ADRA2A: variants seen among roughly 807,000 people sequenced by gnomAD.
ADRA2A encodes alpha-2A adrenergic receptor.
Under a neutral mutation model 5.9 loss-of-function variants are expected in ADRA2A, and 6 were observed. The ratio of observed to expected loss-of-function variants is 1.01; its 90% CI spans 0.55 to 2.00. The LOEUF is 2.00. Ranked by LOEUF, ADRA2A falls within the 30% of genes most tolerant of loss-of-function variation. The pLI is 0.00. For missense variants in ADRA2A, 647 were observed against 690.0 expected, an observed-to-expected ratio of 0.94 and a Z score of 0.70; for synonymous variants, 345 against 325.9, an observed-to-expected ratio of 1.06 and a Z score of -0.63.
Position 111,079,095 on chromosome 10 carries a change from G to A in ADRA2A, c.1099G>A (p.Glu367Lys), listed in dbSNP as rs1293903882. The A allele has an allele frequency of 6.5e-7, 1 of 1,527,032 alleles. No homozygotes were observed. The highest frequency in any genetic ancestry group is 8.8e-7 in the Non-Finnish European group (1 of 1,140,360). 94.6% of individuals were successfully genotyped at this position (1,527,032 alleles called of 1,614,324 possible). ...IGTPAAGPGE[E>K]RVGAAKASRW... ...GACGCCGGCTGCAGGGCCGGGGGAG[G>A]AGCGCGTCGGGGCTGCCAAGGCGTC... The change falls in exon 1 of 1, where the codon GAG becomes AAG. Residue 367 changes from glutamate (E) to lysine (K), a missense_variant. By Grantham distance (56) the Glu-to-Lys change is moderately conservative. Transcript: ENST00000280155.
Position 111,080,377 on chromosome 10 carries a change from C to T in ADRA2A, c.*983C>T, listed in dbSNP as rs1843581274. ...CTATCTTGTATGTCTGTGTGCCCCT[C>T]CTGCCCCGAAAGTGCTGACTATGGG... On this transcript the variant is annotated 3_prime_UTR_variant, in exon 1 of 1. Transcript: ENST00000280155. 1.2e-5 allele frequency: 2 copies of T among 166,856 alleles called. No homozygotes were observed. Among genetic ancestry groups the T allele is most frequent in the African/African-American group, 4.8e-5 (2 of 41,394 alleles). 10.3% of individuals were successfully genotyped at this position (166,856 alleles called of 1,614,324 possible).
At position 111,077,808 on chromosome 10, in the gene ADRA2A, C is replaced by T. The variant is rs528139890; in HGVS notation, c.-189C>T. 4.6e-4 allele frequency: 397 copies of T among 863,866 alleles called. 1 individual carries two copies. In the African/African-American group the frequency reaches 6.4e-3, roughly 14 times the overall value. 53.5% of individuals were successfully genotyped at this position (863,866 alleles called of 1,614,324 possible). The stretch of plus-strand genomic sequence containing the variant: ...CACCGAGAGCGTCTGAAGCGCGAGC[C>T]AGGCGCAGTTCGCGGGACCCGGGCC... On this transcript the variant is annotated 5_prime_UTR_variant, in exon 1 of 1. Transcript: ENST00000280155.
chr10:111,079,101 G>C lies in ADRA2A; in HGVS notation c.1105G>C (p.Val369Leu). 1.3e-6 allele frequency: 2 copies of C among 1,555,280 alleles called. No individual in the cohort carries two copies. Among genetic ancestry groups the C allele is most frequent in the African/African-American group, 1.4e-5 (1 of 73,558 alleles). Reference sequence around the variant, plus strand: ...GGCTGCAGGGCCGGGGGAGGAGCGCGTCGGGGCTGCCAAGGCGTCGCGCTG... The same window carrying C: ...GGCTGCAGGGCCGGGGGAGGAGCGCCTCGGGGCTGCCAAGGCGTCGCGCTG... ...TPAAGPGEER[V>L]GAAKASRWRG... The change falls in exon 1 of 1, where the codon GTC (valine) becomes CTC (leucine). Residue 369 changes from valine (V) to leucine (L), a missense_variant. Physicochemically the swap from Val to Leu is conservative, Grantham distance 32 (BLOSUM62 1). This residue lies in a region of ADRA2A where 577 missense variants were observed against 605.4 expected (regional missense o/e 0.95). Transcript: ENST00000280155.
chr10:111,078,971 A>G lies in ADRA2A; in HGVS notation c.975A>G (p.Arg325=). Residue 325 remains arginine (R), a synonymous_variant, in exon 1 of 1, where the codon AGA becomes AGG. Coordinates refer to ENST00000280155, the MANE Select transcript of ADRA2A (RefSeq NM_000681.4). ...DHAERPPGPR[R]PERGPRGKGK... Reference sequence around the variant, plus strand: ...CCGAGCGGCCTCCAGGGCCCCGCAGACCCGAGCGCGGTCCCCGGGGCAAAG... The same window carrying G: ...CCGAGCGGCCTCCAGGGCCCCGCAGGCCCGAGCGCGGTCCCCGGGGCAAAG... The G allele has an allele frequency of 4.9e-6, 6 of 1,232,584 alleles. No homozygotes were observed. The highest frequency in any genetic ancestry group is 6.1e-6 in the Non-Finnish European group (6 of 989,972). 76.4% of individuals were successfully genotyped at this position (1,232,584 alleles called of 1,614,324 possible).
At position 111,078,776 on chromosome 10, in the gene ADRA2A, C is replaced by T. The variant is rs779429519; in HGVS notation, c.780C>T (p.Gly260=). The change falls in exon 1 of 1, where the codon GGC becomes GGT. Residue 260 remains glycine (G), a synonymous_variant. Coordinates refer to ENST00000280155, the MANE Select transcript of ADRA2A (RefSeq NM_000681.4). ...ACGCCGTCGCCGCGCCGCCGGGGGG[C>T]ACCGAGCGCAGGCCCAACGGTCTGG... ...GPDAVAAPPG[G]TERRPNGLGP... 1.6e-5 allele frequency: 22 copies of T among 1,417,440 alleles called. No individual in the cohort carries two copies. The highest frequency in any genetic ancestry group is 3.4e-5 in the Admixed American group (1 of 29,434). 87.8% of individuals were successfully genotyped at this position (1,417,440 alleles called of 1,614,324 possible). A position where few individuals can be genotyped will look rare whatever the true frequency, so the allele number is the denominator to read the frequency against.
rs987438394 is a variant in ADRA2A, at chr10:111,079,105, G to A, written c.1109G>A (p.Gly370Glu). The A allele has an allele frequency of 1.9e-6, 3 of 1,566,382 alleles. No individual in the cohort carries two copies. Among genetic ancestry groups the A allele is most frequent in the Non-Finnish European group, 2.6e-6 (3 of 1,158,066 alleles). ...GCAGGGCCGGGGGAGGAGCGCGTCGGGGCTGCCAAGGCGTCGCGCTGGCGC... is the reference window on the plus strand; with the variant it reads ...GCAGGGCCGGGGGAGGAGCGCGTCGAGGCTGCCAAGGCGTCGCGCTGGCGC... ...PAAGPGEERV[G>E]AAKASRWRGR... Residue 370 changes from glycine to glutamate, a missense_variant, in exon 1 of 1, where the codon GGG becomes GAG. By Grantham distance (98) the Gly-to-Glu change is moderately conservative (BLOSUM62 -2). Coordinates refer to ENST00000280155, the MANE Select transcript of ADRA2A (RefSeq NM_000681.4).
chr10:111,078,383 G>A lies in ADRA2A; in HGVS notation c.387G>A (p.Val129=). 6.2e-7 allele frequency: 1 copy of A among 1,614,032 alleles called. No individual in the cohort carries two copies. Among genetic ancestry groups the A allele is most frequent in the Non-Finnish European group, 8.5e-7 (1 of 1,179,992 alleles). ...AWCEIYLALD[V]LFCTSSIVHL... ...GCGAGATCTACCTGGCGCTCGACGTGCTCTTCTGCACGTCGTCCATCGTGC... is the reference window on the plus strand; with the variant it reads ...GCGAGATCTACCTGGCGCTCGACGTACTCTTCTGCACGTCGTCCATCGTGC... The change falls in exon 1 of 1, where the codon GTG becomes GTA. Residue 129 remains valine, a synonymous_variant. Transcript: ENST00000280155.
chr10:111,079,075 C>T lies in ADRA2A; in HGVS notation c.1079C>T (p.Pro360Leu). ...CCGGGGGCGACGGGGATCGGGACGC[C>T]GGCTGCAGGGCCGGGGGAGGAGCGC... is the stretch of plus-strand genomic sequence containing the variant. ...RGPGATGIGT[P>L]AAGPGEERVG... The change falls in exon 1 of 1, where the codon CCG becomes CTG. Residue 360 changes from proline to leucine, a missense_variant. Transcript: ENST00000280155. The T allele has an allele frequency of 7.2e-7, 1 of 1,389,678 alleles. No homozygotes were observed. The highest frequency in any genetic ancestry group is 9.3e-7 in the Non-Finnish European group (1 of 1,076,906). 86.1% of individuals were successfully genotyped at this position (1,389,678 alleles called of 1,614,324 possible).
At position 111,079,402 on chromosome 10, in the gene ADRA2A, G is replaced by T. The variant is rs1372019266; in HGVS notation, c.*8G>T. 1.9e-6 allele frequency: 3 copies of T among 1,613,172 alleles called. No homozygotes were observed. The African/African-American group carries it at 4.0e-5, about 22-fold the overall frequency. On this transcript the variant is annotated 3_prime_UTR_variant, in exon 1 of 1. Coordinates refer to ENST00000280155, the MANE Select transcript of ADRA2A (RefSeq NM_000681.4). ...AGGAAGCGGATCGTGTGAGGTTTCCGCTGGCGCCCGCGTAGACTCACGCTG... is the reference window on the plus strand; with the variant it reads ...AGGAAGCGGATCGTGTGAGGTTTCCTCTGGCGCCCGCGTAGACTCACGCTG...
At position 111,079,385 on chromosome 10, in the gene ADRA2A, G is replaced by C; in HGVS notation, c.1389G>C (p.Arg463=). 1.2e-6 allele frequency: 2 copies of C among 1,613,890 alleles called. No homozygotes were observed. The highest frequency in any genetic ancestry group is 1.7e-6 in the Non-Finnish European group (2 of 1,180,020). Residue 463 remains arginine, a synonymous_variant, in exon 1 of 1, where the codon CGG becomes CGC. Coordinates refer to ENST00000280155, the MANE Select transcript of ADRA2A (RefSeq NM_000681.4). ...KKILCRGDRK[R]IV The stretch of plus-strand genomic sequence containing the variant: ...TCCTCTGTCGGGGGGACAGGAAGCG[G>C]ATCGTGTGAGGTTTCCGCTGGCGCC...
chr10:111,078,342 T>G lies in ADRA2A; in HGVS notation c.346T>G (p.Phe116Val). 1.2e-6 allele frequency: 2 copies of G among 1,613,418 alleles called. No homozygotes were observed. Among genetic ancestry groups the G allele is most frequent in the South Asian group, 1.1e-5 (1 of 91,080 alleles). Residue 116 changes from phenylalanine (F) to valine (V), a missense_variant, in exon 1 of 1, where the codon TTC becomes GTC. Around this residue, in one of 3 missense-constraint regions of ADRA2A, gnomAD observed 577 missense variants for 605.4 expected, o/e 0.95. Transcript: ENST00000280155. The stretch of plus-strand genomic sequence containing the variant: ...CAACGAGGTCATGGGCTACTGGTAC[T>G]TCGGCAAGGCTTGGTGCGAGATCTA... ...LANEVMGYWY[F>V]GKAWCEIYLA...
In ADRA2A at chr10:111,079,566, A is replaced by T. The variant is rs886109123; in HGVS notation, c.*172A>T. On this transcript the variant is annotated 3_prime_UTR_variant, in exon 1 of 1. Transcript: ENST00000280155. ...GGGCGTCTGCTGCTCCTACAAGGGA[A>T]GCTTCTTGCTGCCAGGCCCACACAT... 1.4e-6 allele frequency: 1 copy of T among 693,838 alleles called. No homozygotes were observed. Among genetic ancestry groups the T allele is most frequent in the African/African-American group, 1.8e-5 (1 of 55,368 alleles). 43.0% of individuals were successfully genotyped at this position (693,838 alleles called of 1,614,324 possible).
rs1843569131 is a variant in ADRA2A, at chr10:111,079,083, G to A, written c.1087G>A (p.Gly363Arg). 3 of 1,447,992 alleles carry A rather than the reference G, an allele frequency of 2.1e-6. No homozygotes were observed. The highest frequency in any genetic ancestry group is 3.0e-5 in the South Asian group (2 of 67,084). The allele number at this position is 1,447,992 out of a possible 1,614,324, so 89.7% of individuals were successfully genotyped here. ...GATGIGTPAA[G>R]PGEERVGAAK... ...GACGGGGATCGGGACGCCGGCTGCA[G>A]GGCCGGGGGAGGAGCGCGTCGGGGC... is the stretch of plus-strand genomic sequence containing the variant. The change falls in exon 1 of 1, where the codon GGG (glycine) becomes AGG (arginine). Residue 363 changes from glycine to arginine, a missense_variant. Gly to Arg is a moderately radical substitution (Grantham distance 125). This residue lies in a region of ADRA2A where 577 missense variants were observed against 605.4 expected (regional missense o/e 0.95). Transcript: ENST00000280155.
Position 111,077,939 on chromosome 10 carries a change from C to T in ADRA2A, c.-58C>T, listed in dbSNP as rs1284236759. ...GGCGCCGGAGGAAGAGGAGGACCCA[C>T]GGGCGCCGGGCCGGAAGGCAGCTGG... On this transcript the variant is annotated 5_prime_UTR_variant, in exon 1 of 1. It adds an upstream start codon to the 5' untranslated region. Coordinates refer to ENST00000280155, the MANE Select transcript of ADRA2A (RefSeq NM_000681.4). 2.2e-6 allele frequency: 3 copies of T among 1,340,478 alleles called. No homozygotes were observed. Among genetic ancestry groups the T allele is most frequent in the Non-Finnish European group, 2.8e-6 (3 of 1,054,280 alleles). 83.0% of individuals were successfully genotyped at this position (1,340,478 alleles called of 1,614,324 possible). A position where few individuals can be genotyped will look rare whatever the true frequency, so the allele number is the denominator to read the frequency against.
Position 111,078,097 on chromosome 10 carries a change from C to T in ADRA2A, c.101C>T (p.Pro34Leu), listed in dbSNP as rs1564745326. The T allele has an allele frequency of 1.9e-6, 3 of 1,566,844 alleles. No homozygotes were observed. Among genetic ancestry groups the T allele is most frequent in the South Asian group, 2.3e-5 (2 of 87,100 alleles). ...GNASWNGTEA[P>L]GGGARATPYS... ...GCGAGCTGGAACGGGACCGAGGCGC[C>T]GGGGGGCGGCGCCCGGGCCACCCCT... Residue 34 changes from proline to leucine, a missense_variant, in exon 1 of 1, where the codon CCG becomes CTG. Transcript: ENST00000280155.
rs13306143 is a variant in ADRA2A at position 111,078,105 on chromosome 10, G to A, written c.109G>A (p.Gly37Ser). Residue 37 changes from glycine (G) to serine (S), a missense_variant, in exon 1 of 1, where the codon GGC (glycine) becomes AGC (serine). By Grantham distance (56) the Gly-to-Ser change is moderately conservative. This residue lies in a region of ADRA2A where 577 missense variants were observed against 605.4 expected (regional missense o/e 0.95). Coordinates refer to ENST00000280155, the MANE Select transcript of ADRA2A (RefSeq NM_000681.4). ...GAACGGGACCGAGGCGCCGGGGGGC[G>A]GCGCCCGGGCCACCCCTTACTCCCT... ...SWNGTEAPGG[G>S]ARATPYSLQV... 3.5e-5 allele frequency: 55 copies of A among 1,570,182 alleles called. No homozygotes were observed. In the East Asian group the frequency reaches 9.4e-4, roughly 27 times the overall value.
In ADRA2A at chr10:111,078,638, G is replaced by A. The variant is rs372604656; in HGVS notation, c.642G>A (p.Ser214=). 1.3e-6 allele frequency: 2 copies of A among 1,588,730 alleles called. No individual in the cohort carries two copies. The highest frequency in any genetic ancestry group is 3.6e-5 in the Admixed American group (2 of 56,142). The part of the protein sequence containing the change: ...EINDQKWYVI[S]SCIGSFFAPC... ...ACGACCAGAAGTGGTACGTCATCTC[G>A]TCGTGCATCGGCTCCTTCTTCGCTC... The change falls in exon 1 of 1, where the codon TCG becomes TCA. Residue 214 remains serine, a synonymous_variant. Coordinates refer to ENST00000280155, the MANE Select transcript of ADRA2A (RefSeq NM_000681.4).
chr10:111,079,164 G>A lies in ADRA2A; in HGVS notation c.1168G>A (p.Val390Met), dbSNP rs375454021. Residue 390 changes from valine to methionine, a missense_variant, in exon 1 of 1, where the codon GTG becomes ATG. By Grantham distance (21) the Val-to-Met change is conservative. Coordinates refer to ENST00000280155, the MANE Select transcript of ADRA2A (RefSeq NM_000681.4). Reference sequence around the variant, plus strand: ...GAACCGCGAGAAGCGCTTCACGTTCGTGCTGGCCGTGGTCATCGGAGTGTT... The same window carrying A: ...GAACCGCGAGAAGCGCTTCACGTTCATGCTGGCCGTGGTCATCGGAGTGTT... ...RQNREKRFTF[V>M]LAVVIGVFVV... is the part of the protein sequence containing the mutation. The A allele has an allele frequency of 1.9e-6, 3 of 1,612,926 alleles. No homozygotes were observed. Among genetic ancestry groups the A allele is most frequent in the Non-Finnish European group, 2.5e-6 (3 of 1,179,528 alleles).
rs1296136417 is a variant in ADRA2A at position 111,080,167 on chromosome 10, A to G, written c.*773A>G. On this transcript the variant is annotated 3_prime_UTR_variant, in exon 1 of 1. Transcript: ENST00000280155. Reference sequence around the variant, plus strand: ...CCTAACAGCATAATTGCCTTTTCCTATGTAAATATTATGATGGTGGATCAA... The same window carrying G: ...CCTAACAGCATAATTGCCTTTTCCTGTGTAAATATTATGATGGTGGATCAA... 2 of 166,992 alleles carry G rather than the reference A, an allele frequency of 1.2e-5. No homozygotes were observed. Among genetic ancestry groups the G allele is most frequent in the African/African-American group, 2.4e-5 (1 of 41,424 alleles). 10.3% of individuals were successfully genotyped at this position (166,992 alleles called of 1,614,324 possible). A position where few individuals can be genotyped will look rare whatever the true frequency, so the allele number is the denominator to read the frequency against.
Sources: gnomAD v4.1 joint callset for allele counts on GRCh38, gnomAD v4.1.1 for gene constraint, gnomAD v4.1.1 regional missense constraint, MANE v1.5 for transcripts, NCBI Gene and HGNC (gene_info 2026-07-23, HGNC 2026-07-21) for gene names.